Variants in SOCS2 observed in about 807,000 individuals in gnomAD.
SOCS2 encodes suppressor of cytokine signaling 2.
SOCS2 carries 10 observed loss-of-function variants against 18.6 expected under a neutral mutation model. The observed-to-expected ratio is 0.54, with a 90% confidence interval of 0.33 to 0.91. The LOEUF (loss-of-function observed/expected upper bound fraction) is 0.91, where lower values mean the gene tolerates loss of function less well. Among genes scored for constraint, SOCS2 ranks in the 40% least tolerant of loss-of-function variants. The pLI is 0.02. For missense variants in SOCS2, 231 were observed against 247.2 expected, an observed-to-expected ratio of 0.93 and a Z score of 0.44; for synonymous variants, 104 against 104.0, an observed-to-expected ratio of 1.00 and a Z score of 0.00.
chr12:93,587,699 A>G (rs1439291036), downstream of SOCS2, among the ~76,000 whole-genome samples: 1 of 151,036 alleles, frequency 6.6e-6, no homozygotes, highest in African/African-American at 2.4e-5. Context: ...AAAAAAAAAA[A>G]GTTTGGCTAG....
At chr12:93,623,317 C>T in the SOCS2 span, among the ~76,000 whole-genome samples, 1 of 152,208 alleles carries the variant, frequency 6.6e-6, no homozygotes, top group African/African-American at 2.4e-5. Context: ...TATAAGTTTC[C>T]TGAGGCCTCC....
At position 93,575,136 on chromosome 12, in the gene SOCS2, C is replaced by T. The variant is rs1471299140; in HGVS notation, c.554C>T (p.Thr185Ile). 1.3e-6 allele frequency: 2 copies of T among 1,576,348 alleles called. No individual in the cohort carries two copies. Among genetic ancestry groups the T allele is most frequent in the Non-Finnish European group, 1.7e-6 (2 of 1,167,864 alleles). Residue 185 changes from threonine (T) to isoleucine (I), a missense_variant, in exon 2 of 2, where the codon ACA (threonine) becomes ATA (isoleucine). This residue lies in a region of SOCS2 where 122 missense variants were observed against 127.2 expected (regional missense o/e 0.96). Transcript: ENST00000551556. ...TGAIWGLPLP[T>I]RLKDYLEEYK... ...GCCATCTGGGGACTGCCTTTACCAA[C>T]AAGACTAAAAGATTACTTGGAAGAA...
chr12:93,574,542 T>G (rs1487513277), intron 1 of SOCS2, 180 bp from the exon 2 acceptor site: 1 of 453,648 alleles, frequency 2.2e-6, no homozygotes, highest in Non-Finnish European at 3.8e-6. Context: ...ACCCAAATTT[T>G]TATTAAATTC....
chr12:93,597,597 T>C, the SOCS2 span, among the ~76,000 whole-genome samples: 1 of 152,192 alleles, frequency 6.6e-6, no homozygotes, highest in African/African-American at 2.4e-5. Flanking sequence ...ATTACAGGTG[T>C]GAGCCGCCAT....
chr12:93,616,127 GC>G, the SOCS2 span, among the ~76,000 whole-genome samples: 5 of 152,348 alleles, frequency 3.3e-5, no homozygotes, highest in African/African-American at 1.2e-4. Flanking sequence ...TCCAGGATGA[GC>G]ATGAGAACTA....
the SOCS2 span, among the ~76,000 whole-genome samples, chr12:93,596,777 A>G: frequency 0.33 from 50,696 of 151,924 alleles, 9,292 homozygotes; most frequent in African/African-American, 0.5. Context: ...GCAGTGAGCC[A>G]AGATTACACC....
the SOCS2 span, among the ~76,000 whole-genome samples, chr12:93,600,051 A>G: frequency 6.6e-6 from 1 of 152,168 alleles, no homozygotes; most frequent in Non-Finnish European, 1.5e-5. Flanking sequence ...AGATTTACCA[A>G]TCTTATTCTT....
the SOCS2 span, among the ~76,000 whole-genome samples, chr12:93,614,504 C>A: frequency 1.8e-5 from 1 of 57,002 alleles, no homozygotes; most frequent in Non-Finnish European, 3.0e-5. Context: ...TCCTTCCTTC[C>A]TTCCTTCCTT....
chr12:93,601,039 C>T, the SOCS2 span, among the ~76,000 whole-genome samples: 2 of 151,366 alleles, frequency 1.3e-5, no homozygotes, highest in Non-Finnish European at 2.9e-5. Context: ...TATTCTCCTG[C>T]CTCGACCCCT....
At chr12:93,571,705 G>T, upstream of SOCS2, 1 of 291,668 alleles carries the variant, frequency 3.4e-6, no homozygotes, top group Non-Finnish European at 6.9e-6. Context: ...TCTGCGCACG[G>T]AACTCCGACC....
chr12:93,588,609 C>G, the SOCS2 span, among the ~76,000 whole-genome samples: 1 of 143,500 alleles, frequency 7.0e-6, no homozygotes, highest in Admixed American at 7.0e-5. Context: ...ATTCTGGAGA[C>G]AGTGAATTTT....
the SOCS2 span, among the ~76,000 whole-genome samples, chr12:93,605,647 A>G: frequency 2.0e-5 from 3 of 152,254 alleles, no homozygotes; most frequent in Non-Finnish European, 4.4e-5. Context: ...TGAAATGACT[A>G]CAAGTGGATG....
downstream of SOCS2, among the ~76,000 whole-genome samples, chr12:93,587,428 T>A (rs1954591019): frequency 6.6e-6 from 1 of 152,120 alleles, no homozygotes; most frequent in Non-Finnish European, 1.5e-5. Context: ...ACGCCTGTAA[T>A]CCTAGCACTT....
At chr12:93,614,401 CTTTCTTTCTTT>C in the SOCS2 span, among the ~76,000 whole-genome samples, 1 of 141,496 alleles carries the variant, frequency 7.1e-6, no homozygotes, top group South Asian at 2.3e-4. Context: ...TTCTTTCTTT[CTTTCTTTCTTT>C]CTTTCTTCCT....
At chr12:93,600,083 C>G in the SOCS2 span, among the ~76,000 whole-genome samples, 2 of 152,040 alleles carry the variant, frequency 1.3e-5, no homozygotes, top group Admixed American at 6.5e-5. Context: ...TTTTCCTACC[C>G]TGTCATAAAT....
the SOCS2 span, among the ~76,000 whole-genome samples, chr12:93,620,898 C>A: frequency 6.6e-6 from 1 of 152,196 alleles, no homozygotes; most frequent in African/African-American, 2.4e-5. Flanking sequence ...CTGGTATATG[C>A]AGATAGATGG....
chr12:93,617,669 A>C, the SOCS2 span, among the ~76,000 whole-genome samples: 1 of 152,064 alleles, frequency 6.6e-6, no homozygotes, highest in African/African-American at 2.4e-5. Flanking sequence ...AAAATATGTA[A>C]TAATCAAAAT....
the SOCS2 span, among the ~76,000 whole-genome samples, chr12:93,592,624 G>A: frequency 6.6e-6 from 1 of 152,186 alleles, no homozygotes; most frequent in Admixed American, 6.5e-5. Flanking sequence ...AATAAATTCT[G>A]TCTTTCAAGT....
chr12:93,596,657 G>C, the SOCS2 span, among the ~76,000 whole-genome samples: 1 of 152,150 alleles, frequency 6.6e-6, no homozygotes, highest in Non-Finnish European at 1.5e-5. Flanking sequence ...GCAAAACTCC[G>C]TCTCTACTAA....
Sources: allele counts gnomAD v4.1 joint callset (sites outside exome capture counted in the v4.1 genomes callset), GRCh38; gene constraint gnomAD v4.1.1; regional missense constraint gnomAD v4.1.1; transcripts MANE v1.5; gene names NCBI Gene and HGNC (gene_info 2026-07-23, HGNC 2026-07-21).